The following SCAMP1 variants were observed in gnomAD, a reference collection of about 807,000 sequenced individuals.
SCAMP1 encodes the protein secretory carrier membrane protein 1.
In SCAMP1, 15 loss-of-function variants were observed where a neutral mutation model predicts 41.8. The observed-to-expected ratio is 0.36, with a 90% CI of 0.24 to 0.55. The LOEUF (loss-of-function observed/expected upper bound fraction) is 0.55, where lower values mean the gene tolerates loss of function less well. SCAMP1 is among the 20% of genes least tolerant of loss of function. SCAMP1 has a pLI of 0.86. For synonymous variants in SCAMP1, 135 were observed against 136.8 expected (o/e 0.99, Z 0.09); for missense variants, 341 against 412.6 (o/e 0.83, Z 1.50).
At chr5:78,403,341 A>T (rs1035885270) in intron 2 of SCAMP1, among the ~76,000 whole-genome samples, 2 of 152,050 alleles carry the variant, frequency 1.3e-5, no homozygotes, top group Admixed American at 1.3e-4. Flanking sequence ...CCTCCCTCCC[A>T]TCTTTGTATC....
chr5:78,458,514 G>A (rs1316316484), intron 7 of SCAMP1, among the ~76,000 whole-genome samples: 1 of 152,116 alleles, frequency 6.6e-6, no homozygotes, highest in Non-Finnish European at 1.5e-5. Context: ...TATTCTAGAT[G>A]TGAATCCTTT....
At chr5:78,401,413 C>A (rs1432732077) in intron 2 of SCAMP1, among the ~76,000 whole-genome samples, 1 of 152,124 alleles carries the variant, frequency 6.6e-6, no homozygotes, top group African/African-American at 2.4e-5. Context: ...AGTAAAATTT[C>A]TACCTTAAAT....
intron 6 of SCAMP1, among the ~76,000 whole-genome samples, chr5:78,438,533 A>T (rs1019511162): frequency 4.6e-5 from 7 of 152,084 alleles, no homozygotes; most frequent in African/African-American, 1.7e-4. Flanking sequence ...TTTGAGTGAG[A>T]TTCTTAATCC....
At chr5:78,426,102 T>C (rs1752463546) in intron 6 of SCAMP1, among the ~76,000 whole-genome samples, 1 of 152,174 alleles carries the variant, frequency 6.6e-6, no homozygotes, top group African/African-American at 2.4e-5. Flanking sequence ...GATTCCTCCA[T>C]GTCCCTGCAA....
intron 6 of SCAMP1, among the ~76,000 whole-genome samples, chr5:78,438,354 G>A (rs1275061739): frequency 2.0e-5 from 3 of 152,158 alleles, no homozygotes; most frequent in Admixed American, 6.5e-5. Flanking sequence ...AGCATTTAGC[G>A]CTATAAATTT....
At chr5:78,383,948 G>A (rs768353509) in intron 1 of SCAMP1, among the ~76,000 whole-genome samples, 1 of 151,964 alleles carries the variant, frequency 6.6e-6, no homozygotes, top group East Asian at 1.9e-4. Context: ...TTTCAGGATT[G>A]TTTTTCTAGT....
At chr5:78,458,517 A>G (rs1324574336) in intron 7 of SCAMP1, among the ~76,000 whole-genome samples, 1 of 152,184 alleles carries the variant, frequency 6.6e-6, no homozygotes, top group East Asian at 1.9e-4. Context: ...TCTAGATGTG[A>G]ATCCTTTGTT....
At position 78,428,764 on chromosome 5, in the gene SCAMP1, ATTTATATT is replaced by A. The variant is rs201678640; in HGVS notation, c.632+6811_632+6818del. Among the ~76,000 whole-genome samples the A allele has an allele frequency of 5.5e-3, 830 of 152,136 alleles. 4 individuals are homozygous for A. Among genetic ancestry groups the A allele is most frequent in the African/African-American group, 0.019 (784 of 41,524 alleles). ...TGTGAATATGGATTTCTCTCCATTTATTTATATTTTTATAATTTCTCTCAGCCATGTTC... is the reference window on the plus strand; with the variant it reads ...TGTGAATATGGATTTCTCTCCATTTATTTATAATTTCTCTCAGCCATGTTC... On this transcript the variant is annotated intron_variant, in intron 6 of 8. Coordinates refer to ENST00000621999, the MANE Select transcript of SCAMP1 (RefSeq NM_004866.6).
chr5:78,398,446 C>T, intron 2 of SCAMP1, among the ~76,000 whole-genome samples: 1 of 139,896 alleles, frequency 7.1e-6, no homozygotes, highest in Non-Finnish European at 1.5e-5. Flanking sequence ...CTTACTGTGA[C>T]CTCAAACTCC....
intron 6 of SCAMP1, among the ~76,000 whole-genome samples, chr5:78,442,149 A>C (rs1170682945): frequency 6.6e-6 from 1 of 152,196 alleles, no homozygotes; most frequent in East Asian, 1.9e-4. Flanking sequence ...GGAAAAAAGC[A>C]TGATAAATAG....
At chr5:78,438,032 T>C (rs1752806682) in intron 6 of SCAMP1, among the ~76,000 whole-genome samples, 1 of 152,204 alleles carries the variant, frequency 6.6e-6, no homozygotes, top group Admixed American at 6.5e-5. Context: ...CTGATGGTAG[T>C]TTGTATGTCT....
chr5:78,384,276 GTACAT>G lies in SCAMP1; in HGVS notation c.58-4558_58-4554del, dbSNP rs1236191028. ...GTATATAGTATGGCTGCTGATTTGTGTACATTAATGTTGTACACAAATGTTTTAGT... is the reference window on the plus strand; with the variant it reads ...GTATATAGTATGGCTGCTGATTTGTGTAATGTTGTACACAAATGTTTTAGT... On this transcript the variant is annotated intron_variant, in intron 1 of 8. Transcript: ENST00000621999. 4.1e-5 allele frequency among the ~76,000 whole-genome samples: 6 copies of G among 144,650 alleles called. No individual in the cohort carries two copies. The South Asian group carries it at 1.4e-3, about 33-fold the overall frequency. The allele number at this position is 144,650 out of a possible 152,430, so 94.9% of individuals were successfully genotyped here. A position where few individuals can be genotyped will look rare whatever the true frequency, so the allele number is the denominator to read the frequency against.
chr5:78,432,130 C>T (rs1008875526), intron 6 of SCAMP1, among the ~76,000 whole-genome samples: 7 of 152,130 alleles, frequency 4.6e-5, no homozygotes, highest in Non-Finnish European at 8.8e-5. Context: ...GCCTACTACC[C>T]TTCCTGGCCT....
chr5:78,420,674 A>G (rs184767065), intron 5 of SCAMP1, among the ~76,000 whole-genome samples: 6 of 152,304 alleles, frequency 3.9e-5, no homozygotes, highest in African/African-American at 1.2e-4. Flanking sequence ...TTAGATGACT[A>G]CAACCTAAGT....
chr5:78,423,448 T>A (rs1341942092), intron 6 of SCAMP1, among the ~76,000 whole-genome samples: 1 of 152,210 alleles, frequency 6.6e-6, no homozygotes, highest in African/African-American at 2.4e-5. Flanking sequence ...TTGTTTTGTT[T>A]TTTTTGGACA....
chr5:78,419,212 A>G (rs16875377), intron 5 of SCAMP1, among the ~76,000 whole-genome samples: 42,779 of 152,004 alleles, frequency 0.28, 6,331 homozygotes, highest in East Asian at 0.54. Context: ...TGTTATCTAG[A>G]CATGATTTGC....
At chr5:78,431,197 A>T (rs149809214) in intron 6 of SCAMP1, among the ~76,000 whole-genome samples, 1 of 152,178 alleles carries the variant, frequency 6.6e-6, no homozygotes, top group East Asian at 1.9e-4. Context: ...ACACTCCTGC[A>T]TGCACTTGAA....
chr5:78,431,710 A>C (rs949712990), intron 6 of SCAMP1, among the ~76,000 whole-genome samples: 15 of 151,734 alleles, frequency 9.9e-5, no homozygotes, highest in African/African-American at 3.4e-4. Context: ...TATGTACTGT[A>C]AGGATCTCCC....
intron 1 of SCAMP1, among the ~76,000 whole-genome samples, chr5:78,367,719 G>A (rs1750834124): frequency 6.6e-6 from 1 of 152,184 alleles, no homozygotes; most frequent in Admixed American, 6.5e-5. Flanking sequence ...ATAAAATGGC[G>A]AGGTAGTCGT....
Sources: allele counts gnomAD v4.1 joint callset (sites outside exome capture counted in the v4.1 genomes callset), GRCh38; gene constraint gnomAD v4.1.1; transcripts MANE v1.5; gene names NCBI Gene and HGNC (gene_info 2026-07-23, HGNC 2026-07-21).